CADM2: variants seen among roughly 807,000 people sequenced by gnomAD.
The protein encoded by CADM2 is immunoglobulin superfamily member 4D.
Under a neutral mutation model 49.8 loss-of-function variants are expected in CADM2, and 12 were observed. The observed-to-expected ratio is 0.24, with a 90% CI of 0.15 to 0.39. CADM2 has a LOEUF of 0.39. Ranked by LOEUF, CADM2 falls within the 10% of genes least tolerant of loss-of-function variation. The probability of loss-of-function intolerance (pLI) is 1.00; values close to 1 mark genes in which losing one functional copy is unlikely to be tolerated. For missense variants in CADM2, 378 were observed against 492.3 expected (o/e 0.77, Z 2.20); for synonymous variants, 214 against 175.4 (o/e 1.22, Z -1.74).
At chr3:85,559,430 A>G (rs1242788962) in intron 1 of CADM2, among the ~76,000 whole-genome samples, 2 of 152,088 alleles carry the variant, frequency 1.3e-5, no homozygotes, top group Non-Finnish European at 2.9e-5. Flanking sequence ...CCATTTGATA[A>G]GACAGTAGTC....
chr3:85,537,272 A>C (rs2061441066), intron 1 of CADM2, among the ~76,000 whole-genome samples: 1 of 152,094 alleles, frequency 6.6e-6, no homozygotes, highest in Non-Finnish European at 1.5e-5. Context: ...AACATTTTTT[A>C]AGTATCAAAA....
intron 8 of CADM2, among the ~76,000 whole-genome samples, chr3:85,968,727 C>T (rs904065004): frequency 6.6e-6 from 1 of 151,604 alleles, no homozygotes; most frequent in African/African-American, 2.4e-5. Flanking sequence ...TGTAGCTTTA[C>T]CAAAATGTAC....
rs1389138647 is a variant in CADM2 at position 86,074,229 on chromosome 3, A to G, written c.*7446A>G. ...AAGCTTCTGCCAATAAGGATTTCAGATAAGCTTTTAAATTTATGGAGGATT... is the reference window on the plus strand; with the variant it reads ...AAGCTTCTGCCAATAAGGATTTCAGGTAAGCTTTTAAATTTATGGAGGATT... On this transcript the variant is annotated 3_prime_UTR_variant, in exon 10 of 10. Coordinates refer to ENST00000383699, the MANE Select transcript of CADM2 (RefSeq NM_001167675.2). 1.3e-5 allele frequency: 2 copies of G among 151,988 alleles called. No homozygotes were observed. Among genetic ancestry groups the G allele is most frequent in the African/African-American group, 4.8e-5 (2 of 41,456 alleles). 9.4% of individuals were successfully genotyped at this position (151,988 alleles called of 1,614,324 possible). A position where few individuals can be genotyped will look rare whatever the true frequency, so the allele number is the denominator to read the frequency against.
intron 1 of CADM2, among the ~76,000 whole-genome samples, chr3:84,999,681 G>T (rs1390518241): frequency 6.6e-6 from 1 of 152,190 alleles, no homozygotes; most frequent in African/African-American, 2.4e-5. Context: ...ATATCAGGCA[G>T]CTCAAATTTT....
chr3:85,201,390 TA>T (rs2107746532), intron 1 of CADM2, among the ~76,000 whole-genome samples: 1 of 152,352 alleles, frequency 6.6e-6, no homozygotes, highest in African/African-American at 2.4e-5. Context: ...ACTTTATTAC[TA>T]AAAATGCTTA....
chr3:85,433,163 T>C, intron 1 of CADM2, among the ~76,000 whole-genome samples: 1 of 152,018 alleles, frequency 6.6e-6, no homozygotes, highest in Middle Eastern at 3.4e-3. Context: ...AAAAGCAGGA[T>C]TTTTAAAGCT....
At chr3:85,894,915 G>A (rs1336768912) in intron 5 of CADM2, among the ~76,000 whole-genome samples, 1 of 152,250 alleles carries the variant, frequency 6.6e-6, no homozygotes, top group Non-Finnish European at 1.5e-5. Context: ...GGAAATGCCT[G>A]GATGTCAAAG....
chr3:85,295,786 G>C (rs545655776), intron 1 of CADM2, among the ~76,000 whole-genome samples: 15 of 152,166 alleles, frequency 9.9e-5, no homozygotes, highest in African/African-American at 3.6e-4. Flanking sequence ...GTGGGGTTGG[G>C]GGAGAGGGGA....
intron 1 of CADM2, among the ~76,000 whole-genome samples, chr3:85,323,181 C>T (rs959025384): frequency 6.6e-6 from 1 of 152,144 alleles, no homozygotes; most frequent in African/African-American, 2.4e-5. Context: ...CAGTCTAGGA[C>T]TGAATGCAAT....
chr3:85,643,476 C>A lies in CADM2; in HGVS notation c.62-83046C>A, dbSNP rs76326318. ...ACTTTAAATTTCCAGAGATGATTAG[C>A]TGCCAGCTCTAATCAAATTGAGAAG... On this transcript the variant is annotated intron_variant, in intron 1 of 9. Coordinates refer to ENST00000383699, the MANE Select transcript of CADM2 (RefSeq NM_001167675.2). Among the ~76,000 whole-genome samples the A allele has an allele frequency of 1.7e-3, 264 of 152,248 alleles. 1 individual carries two copies. Among genetic ancestry groups the A allele is most frequent in the African/African-American group, 6.2e-3 (259 of 41,540 alleles).
At chr3:85,722,483 A>G (rs1034906428) in intron 1 of CADM2, among the ~76,000 whole-genome samples, 1 of 152,190 alleles carries the variant, frequency 6.6e-6, no homozygotes, top group African/African-American at 2.4e-5. Flanking sequence ...ATTTCAATAA[A>G]ATTCTACATA....
At chr3:85,906,084 T>A (rs571658579) in intron 5 of CADM2, among the ~76,000 whole-genome samples, 1 of 152,286 alleles carries the variant, frequency 6.6e-6, no homozygotes, top group African/African-American at 2.4e-5. Context: ...GTTGCTCAAA[T>A]GCGTAGATAT....
At chr3:85,971,018 T>A (rs1170617784) in intron 8 of CADM2, among the ~76,000 whole-genome samples, 1 of 151,616 alleles carries the variant, frequency 6.6e-6, no homozygotes. Flanking sequence ...GGATATTATA[T>A]TTAAGTATGG....
At chr3:85,176,327 T>C (rs1050340985) in intron 1 of CADM2, among the ~76,000 whole-genome samples, 3 of 152,198 alleles carry the variant, frequency 2.0e-5, no homozygotes, top group African/African-American at 7.2e-5. Flanking sequence ...TCTTTTGATA[T>C]TTATGTTTTC....
At chr3:85,530,322 G>GTTTTTTTTT (rs57504567) in intron 1 of CADM2, among the ~76,000 whole-genome samples, 8 of 31,282 alleles carry the variant, frequency 2.6e-4, no homozygotes, top group Non-Finnish European at 5.4e-4. Flanking sequence ...TCTTTTCTCC[G>GTTTTTTTTT]TTTTTTTTTT....
intron 1 of CADM2, among the ~76,000 whole-genome samples, chr3:85,324,578 C>T (rs1422356139): frequency 6.6e-6 from 1 of 152,174 alleles, no homozygotes; most frequent in African/African-American, 2.4e-5. Flanking sequence ...TATTCTATAA[C>T]TAAACATGGC....
At chr3:85,492,032 G>T (rs1486619377) in intron 1 of CADM2, among the ~76,000 whole-genome samples, 1 of 151,528 alleles carries the variant, frequency 6.6e-6, no homozygotes, top group East Asian at 1.9e-4. Flanking sequence ...AAAGAAAATT[G>T]CTCTTTTCAT....
At chr3:85,200,722 A>C (rs2107745056) in intron 1 of CADM2, among the ~76,000 whole-genome samples, 1 of 152,270 alleles carries the variant, frequency 6.6e-6, no homozygotes, top group South Asian at 2.1e-4. Flanking sequence ...GTACAAATAA[A>C]AATGTTGGAT....
chr3:85,148,759 A>T (rs1162882365), intron 1 of CADM2, among the ~76,000 whole-genome samples: 1 of 152,226 alleles, frequency 6.6e-6, no homozygotes, highest in Non-Finnish European at 1.5e-5. Flanking sequence ...AATAAGCTAG[A>T]TAAAAGAAAA....
Sources: allele counts gnomAD v4.1 joint callset (sites outside exome capture counted in the v4.1 genomes callset), GRCh38; gene constraint gnomAD v4.1.1; transcripts MANE v1.5; gene names NCBI Gene and HGNC (gene_info 2026-07-23, HGNC 2026-07-21).